CEP128: variants seen among roughly 807,000 people sequenced by gnomAD.
CEP128 encodes centrosomal protein 128kDa.
CEP128 carries 132 observed loss-of-function variants against 156.7 expected under a neutral mutation model. The observed-to-expected ratio is 0.84, with a 90% CI of 0.73 to 0.97. The LOEUF (loss-of-function observed/expected upper bound fraction) is 0.97. Ranked by LOEUF, CEP128 falls within the 50% of genes least tolerant of loss-of-function variation. CEP128 has a pLI of 0.00. For synonymous variants in CEP128, 469 were observed against 448.9 expected, an observed-to-expected ratio of 1.04 and a Z score of -0.57; for missense variants, 1,252 against 1,281.9, an observed-to-expected ratio of 0.98 and a Z score of 0.36.
chr14:80,914,776 G>A (rs1313714247), intron 3 of CEP128, among the ~76,000 whole-genome samples: 1 of 152,124 alleles, frequency 6.6e-6, no homozygotes, highest in Non-Finnish European at 1.5e-5. Flanking sequence ...CTAGTAGACT[G>A]TGTACAAGAG....
chr14:80,802,234 A>C (rs1261430863), intron 13 of CEP128, among the ~76,000 whole-genome samples: 1 of 152,162 alleles, frequency 6.6e-6, no homozygotes, highest in African/African-American at 2.4e-5. Context: ...AGATATATGC[A>C]CACGTATGTT....
intron 13 of CEP128, among the ~76,000 whole-genome samples, chr14:80,810,323 CAAA>C (rs71103883): frequency 6.6e-4 from 10 of 15,204 alleles, no homozygotes; most frequent in African/African-American, 1.1e-3. Context: ...ACTCCATCTC[CAAA>C]AAAAAAAAAA....
intron 19 of CEP128, among the ~76,000 whole-genome samples, chr14:80,584,693 T>C (rs967326376): frequency 6.6e-6 from 1 of 152,180 alleles, no homozygotes; most frequent in Non-Finnish European, 1.5e-5. Context: ...CACAAGAGAA[T>C]ATAGGTGAGA....
chr14:80,647,037 GTATATATATATATATATATATATA>G (rs60895994), intron 19 of CEP128, among the ~76,000 whole-genome samples: 6,197 of 69,538 alleles, frequency 0.089, 716 homozygotes, highest in East Asian at 0.18. Context: ...ATGTGTGCAT[GTATATATATATATATATATATATA>G]TATATATATA....
At chr14:80,677,904 CAT>C (rs1234697982) in intron 19 of CEP128, among the ~76,000 whole-genome samples, 3 of 151,876 alleles carry the variant, frequency 2.0e-5, no homozygotes, top group African/African-American at 7.3e-5. Flanking sequence ...ACATCTTTCA[CAT>C]GTTTTTGAAT....
intron 14 of CEP128, among the ~76,000 whole-genome samples, chr14:80,481,990 GGTACAGCT>G (rs1887062782): frequency 6.6e-6 from 1 of 152,140 alleles, no homozygotes; most frequent in South Asian, 2.1e-4. Flanking sequence ...CCAAAATTCT[GGTACAGCT>G]GTACCTTGTC....
At chr14:80,778,887 T>C (rs1900946674) in intron 15 of CEP128, among the ~76,000 whole-genome samples, 1 of 152,224 alleles carries the variant, frequency 6.6e-6, no homozygotes, top group South Asian at 2.1e-4. Context: ...TTCATCCTCG[T>C]AACAACCTGT....
intron 19 of CEP128, among the ~76,000 whole-genome samples, chr14:80,739,771 G>C (rs989143405): frequency 2.0e-5 from 3 of 151,996 alleles, no homozygotes; most frequent in African/African-American, 7.2e-5. Context: ...AGCTCTTAGA[G>C]GATACCGTCA....
chr14:80,762,948 G>C (rs1264048691), intron 16 of CEP128, among the ~76,000 whole-genome samples: 2 of 152,126 alleles, frequency 1.3e-5, no homozygotes, highest in Non-Finnish European at 2.9e-5. Context: ...GCTCACAAGA[G>C]ATTAATGTGT....
At chr14:80,580,504 T>C in intron 19 of CEP128, 81 bp from the exon 20 acceptor site, 1 of 808,834 alleles carries the variant, frequency 1.2e-6, no homozygotes, top group Non-Finnish European at 2.1e-6. Flanking sequence ...ATTCAGCCAG[T>C]AGCTTGTATA....
At chr14:80,677,849 T>G (rs1255085174) in intron 19 of CEP128, among the ~76,000 whole-genome samples, 1 of 152,012 alleles carries the variant, frequency 6.6e-6, no homozygotes, top group Non-Finnish European at 1.5e-5. Flanking sequence ...CATTTAGGAC[T>G]GTGTGCATAA....
intron 21 of CEP128, among the ~76,000 whole-genome samples, chr14:80,534,631 C>T (rs1208162065): frequency 6.6e-6 from 1 of 152,072 alleles, no homozygotes; most frequent in Non-Finnish European, 1.5e-5. Flanking sequence ...TGAGACCATC[C>T]TGGTGAACAC....
intron 10 of CEP128, among the ~76,000 whole-genome samples, chr14:80,839,410 A>G (rs1164148651): frequency 6.6e-6 from 1 of 152,160 alleles, no homozygotes; most frequent in Non-Finnish European, 1.5e-5. Flanking sequence ...AAAGAACATG[A>G]GGGAGCCTTG....
intron 20 of CEP128, among the ~76,000 whole-genome samples, chr14:80,573,441 T>A (rs991299911): frequency 9.2e-5 from 14 of 152,196 alleles, no homozygotes; most frequent in African/African-American, 3.4e-4. Context: ...GGCATGTTTT[T>A]ATATTTCTTT....
At chr14:80,932,689 T>C (rs1885537060) in intron 2 of CEP128, among the ~76,000 whole-genome samples, 1 of 152,146 alleles carries the variant, frequency 6.6e-6, no homozygotes, top group South Asian at 2.1e-4. Context: ...ACTGACTCTA[T>C]GGTGAGTTGC....
chr14:80,586,168 C>A (rs1176708683), intron 19 of CEP128, among the ~76,000 whole-genome samples: 2 of 151,824 alleles, frequency 1.3e-5, no homozygotes, highest in Non-Finnish European at 2.9e-5. Context: ...TATATACTTT[C>A]TAATGTAAAT....
At chr14:80,579,651 A>C (rs1349585031) in intron 20 of CEP128, among the ~76,000 whole-genome samples, 1 of 152,160 alleles carries the variant, frequency 6.6e-6, no homozygotes, top group African/African-American at 2.4e-5. Context: ...CCCATGAAGA[A>C]CTCTAAATGT....
Position 80,941,621 on chromosome 14 carries a change from T to G in CEP128, c.-212A>C, listed in dbSNP as rs2139638969. On this transcript the variant is annotated 5_prime_UTR_variant, in exon 1 of 25. The change abolishes an upstream ATG in the 5' untranslated region. Coordinates refer to ENST00000555265, the MANE Select transcript of CEP128 (RefSeq NM_152446.5). ...ATCCCAGCTCCTTAATGCCGGATCA[T>G]CGCCTAGGCCCCACCCGGCTCCCGC... 6.6e-6 allele frequency: 1 copy of G among 152,668 alleles called. No individual in the cohort carries two copies. The highest frequency in any genetic ancestry group is 2.1e-4 in the South Asian group (1 of 4,804). 9.5% of individuals were successfully genotyped at this position (152,668 alleles called of 1,614,324 possible).
chr14:80,704,011 C>T (rs919752359), intron 19 of CEP128, among the ~76,000 whole-genome samples: 2 of 151,920 alleles, frequency 1.3e-5, no homozygotes, highest in South Asian at 2.1e-4. Context: ...TAGATTCAAC[C>T]CACAAAATGG....
Sources: gnomAD v4.1 joint callset for allele counts (sites outside exome capture counted in the v4.1 genomes callset) on GRCh38, gnomAD v4.1.1 for gene constraint, MANE v1.5 for transcripts, NCBI Gene and HGNC (gene_info 2026-07-23, HGNC 2026-07-21) for gene names.